ELN: variants seen among roughly 807,000 people sequenced by gnomAD.
ELN encodes the protein tropoelastin.
A neutral mutation model predicts 105.8 loss-of-function variants in ELN; 65 were observed. That is an observed-to-expected ratio of 0.61 (90% CI 0.50 to 0.75). The LOEUF (loss-of-function observed/expected upper bound fraction) is 0.75. ELN is among the 30% of genes least tolerant of loss of function. The pLI is 0.00. For synonymous variants in ELN, 368 were observed against 389.2 expected (o/e 0.95, Z 0.64); for missense variants, 882 against 969.4 (o/e 0.91, Z 1.20).
At chr7:74,058,014 CCTT>C (rs1795704051) in intron 22 of ELN, among the ~76,000 whole-genome samples, 1 of 151,892 alleles carries the variant, frequency 6.6e-6, no homozygotes, top group South Asian at 2.1e-4. Flanking sequence ...TCCCCCTTCT[CCTT>C]CTCTTTCTCC....
chr7:74,063,622 C>T lies in ELN; in HGVS notation c.1920C>T (p.Gly640=). ...TCTAATGCTCAGCTGTCTCCACAGG[C>T]CTAGTGGGAGCCGCTGGGCTCGGAG... ...AKAAAKAAQF[G]LVGAAGLGGL... is the part of the protein sequence containing the mutation. Residue 640 remains glycine, a splice_region_variant and synonymous_variant, in exon 29 of 33, where the codon GGC becomes GGT. Transcript: ENST00000252034. This position sits in a 1 kb window ranked among gnomAD's most constrained non-coding sequence, Gnocchi z 4.1. The T allele has an allele frequency of 6.2e-7, 1 of 1,614,182 alleles. No individual in the cohort carries two copies. The highest frequency in any genetic ancestry group is 8.5e-7 in the Non-Finnish European group (1 of 1,180,026).
Position 74,063,072 on chromosome 7 carries a change from TG to T in ELN, c.1787-80del. On this transcript the variant is annotated intron_variant, in intron 26 of 32. Transcript: ENST00000252034. The surrounding 1 kb of genome is among the most constrained non-coding windows in gnomAD (Gnocchi z 4.1). ...ACAGTGTCACATGGCCCCTGCCACC[TG>T]TCTGCTTGCCTTGTGTCCCTGGGGC... 1 of 1,519,482 alleles carries T rather than the reference TG, an allele frequency of 6.6e-7. No individual in the cohort carries two copies. Among genetic ancestry groups the T allele is most frequent in the South Asian group, 1.2e-5 (1 of 82,760 alleles). 94.1% of individuals were successfully genotyped at this position (1,519,482 alleles called of 1,614,324 possible).
In ELN at chr7:74,061,122, C is replaced by T. The variant is rs782530719; in HGVS notation, c.1769C>T (p.Ala590Val). Residue 590 changes from alanine to valine, a missense_variant, in exon 26 of 33, where the codon GCT becomes GTT. Transcript: ENST00000252034. The stretch of plus-strand genomic sequence containing the variant: ...CCAGTACCTGGAGCCCTGGCTGCCG[C>T]TAAAGCAGCCAAATATGGTGAGTGC... Reference protein sequence around the residue: ...FGAVPGALAAAKAAKYGAAVP... With the variant: ...FGAVPGALAAVKAAKYGAAVP... 4 of 1,614,038 alleles carry T rather than the reference C, an allele frequency of 2.5e-6. No individual in the cohort carries two copies. The South Asian group carries it at 3.3e-5, about 13-fold the overall frequency.
intron 5 of ELN, 78 bp downstream of exon 5, chr7:74,041,329 G>A (rs1563778564): frequency 3.8e-6 from 6 of 1,580,460 alleles, no homozygotes; most frequent in East Asian, 4.5e-5. Context: ...TATGCAGCAC[G>A]GTCATGGAAC....
intron 4 of ELN, 77 bp downstream of exon 4, chr7:74,037,816 G>A: frequency 1.3e-6 from 2 of 1,571,946 alleles, no homozygotes; most frequent in Non-Finnish European, 1.7e-6. Flanking sequence ...CTGGGAATGG[G>A]ACAAGGAAAC....
At position 74,060,527 on chromosome 7, in the gene ELN, C is replaced by T. The variant is rs371491330; in HGVS notation, c.1747+26C>T. On this transcript the variant is annotated intron_variant, in intron 25 of 32. Transcript: ENST00000252034. ...GTGCAGATGAGGGAGTTAGGCGGAG[C>T]CTGTCCCCTGAGCTCAGGGAAGGAG... 41 of 1,614,198 alleles carry T rather than the reference C, an allele frequency of 2.5e-5. No individual in the cohort carries two copies. In the African/African-American group the frequency reaches 4.0e-4, roughly 16 times the overall value.
At chr7:74,060,260 GC>G (rs1796347319) in intron 24 of ELN, 76 bp downstream of exon 24, 3 of 1,613,660 alleles carry the variant, frequency 1.9e-6, no homozygotes, top group Non-Finnish European at 1.7e-6. Flanking sequence ...CAGGGAGGAG[GC>G]CGCTGCTTGG....
At chr7:74,060,564 T>C in intron 25 of ELN, 63 bp downstream of exon 25, 1 of 1,612,222 alleles carries the variant, frequency 6.2e-7, no homozygotes, top group South Asian at 1.1e-5. Flanking sequence ...TCCCTCCTCC[T>C]CTCAGCACCT....
Position 74,028,216 on chromosome 7 carries a change from G to A in ELN, c.29G>A (p.Arg10Gln), listed in dbSNP as rs1554660008. MAGLTAAAP[R>Q]PGVLLLLLSI... Reference sequence around the variant, plus strand: ...GCGGGTCTGACGGCGGCGGCCCCGCGGCCCGGAGTCCTCCTGCTCCTGCTG... The same window carrying A: ...GCGGGTCTGACGGCGGCGGCCCCGCAGCCCGGAGTCCTCCTGCTCCTGCTG... Residue 10 changes from arginine (R) to glutamine (Q), a missense_variant, in exon 1 of 33, where the codon CGG (arginine) becomes CAG (glutamine). Physicochemically the swap from Arg to Gln is conservative, Grantham distance 43. Transcript: ENST00000252034. 2 of 1,610,992 alleles carry A rather than the reference G, an allele frequency of 1.2e-6. No individual in the cohort carries two copies. Among genetic ancestry groups the A allele is most frequent in the Non-Finnish European group, 1.7e-6 (2 of 1,179,634 alleles).
intron 1 of ELN, among the ~76,000 whole-genome samples, chr7:74,029,034 G>A (rs1041534893): frequency 3.9e-5 from 6 of 152,172 alleles, no homozygotes; most frequent in Non-Finnish European, 8.8e-5. Context: ...TCCTTAGGCA[G>A]GTGTATGCGT....
At position 74,061,083 on chromosome 7, in the gene ELN, A is replaced by G. The variant is rs782489667; in HGVS notation, c.1748-18A>G. 3 of 1,613,952 alleles carry G rather than the reference A, an allele frequency of 1.9e-6. No homozygotes were observed. Among genetic ancestry groups the G allele is most frequent in the Admixed American group, 3.3e-5 (2 of 60,000 alleles). On this transcript the variant is annotated intron_variant, in intron 25 of 32. Transcript: ENST00000252034. ...GAGCTCGGCTCCTGACCACTCCCCAACTTTTCTTTCTCCCCAGTACCTGGA... is the reference window on the plus strand; with the variant it reads ...GAGCTCGGCTCCTGACCACTCCCCAGCTTTTCTTTCTCCCCAGTACCTGGA...
At position 74,063,439 on chromosome 7, in the gene ELN, A is replaced by G; in HGVS notation, c.1918+70A>G. The G allele has an allele frequency of 6.4e-7, 1 of 1,555,504 alleles. No individual in the cohort carries two copies. The highest frequency in any genetic ancestry group is 8.7e-7 in the Non-Finnish European group (1 of 1,153,736). ...CCCCAGGGTGTGGGAGGAGCTTCTGACCAGGCACTGTAGACTCAGAGTCCC... is the reference window on the plus strand; with the variant it reads ...CCCCAGGGTGTGGGAGGAGCTTCTGGCCAGGCACTGTAGACTCAGAGTCCC... On this transcript the variant is annotated intron_variant, in intron 28 of 32. Coordinates refer to ENST00000252034, the MANE Select transcript of ELN (RefSeq NM_000501.4). This position sits in a 1 kb window ranked among gnomAD's most constrained non-coding sequence, Gnocchi z 4.1.
Position 74,069,007 on chromosome 7 carries a change from C to A in ELN, c.*307C>A. 1 of 478,386 alleles carries A rather than the reference C, an allele frequency of 2.1e-6. No homozygotes were observed. Among genetic ancestry groups the A allele is most frequent in the Non-Finnish European group, 3.9e-6 (1 of 259,616 alleles). 29.6% of individuals were successfully genotyped at this position (478,386 alleles called of 1,614,324 possible). Reference sequence around the variant, plus strand: ...ATCTCCAGGGGAACTTGGTGCTACACGCTGGTGCTCTTATCTTCCTGGGGG... The same window carrying A: ...ATCTCCAGGGGAACTTGGTGCTACAAGCTGGTGCTCTTATCTTCCTGGGGG... On this transcript the variant is annotated 3_prime_UTR_variant, in exon 33 of 33. Transcript: ENST00000252034.
intron 5 of ELN, among the ~76,000 whole-genome samples, chr7:74,041,579 A>G (rs1791228401): frequency 6.6e-6 from 1 of 152,184 alleles, no homozygotes; most frequent in Admixed American, 6.5e-5. Context: ...ATTTGACCCC[A>G]AAAGATCCAT....
At chr7:74,051,888 G>A in intron 16 of ELN, 36 bp from the exon 17 acceptor site, 1 of 1,614,162 alleles carries the variant, frequency 6.2e-7, no homozygotes, top group Non-Finnish European at 8.5e-7. Context: ...GATGGCCACA[G>A]GGCAAGGACC....
intron 3 of ELN, 62 bp from the exon 4 acceptor site, chr7:74,037,645 T>C: frequency 6.3e-7 from 1 of 1,587,364 alleles, no homozygotes; most frequent in Non-Finnish European, 8.6e-7. Context: ...GGTTGGGGGT[T>C]GGATAAGTAG....
In ELN at chr7:74,059,679, GTC is replaced by G. The variant is rs1796156535; in HGVS notation, c.1415-204_1415-203del. 4.7e-6 allele frequency: 3 copies of G among 640,802 alleles called. No individual in the cohort carries two copies. In the East Asian group the frequency reaches 8.1e-5, roughly 17 times the overall value. The allele number at this position is 640,802 out of a possible 1,614,324, so 39.7% of individuals were successfully genotyped here. The stretch of plus-strand genomic sequence containing the variant: ...AGCCTGGGCGATAGAGTGAGACTCT[GTC>G]TCCAAAAAAACAAAGTTATGAACTC... On this transcript the variant is annotated intron_variant, in intron 22 of 32. Coordinates refer to ENST00000252034, the MANE Select transcript of ELN (RefSeq NM_000501.4).
In ELN at chr7:74,056,329, C is replaced by T. The variant is rs1267881800; in HGVS notation, c.1209C>T (p.Gly403=). The change falls in exon 20 of 33, where the codon GGC becomes GGT. Residue 403 remains glycine (G), a synonymous_variant. Coordinates refer to ENST00000252034, the MANE Select transcript of ELN (RefSeq NM_000501.4). ...GIPTYGVGAG[G]FPGFGVGVGG... is the part of the protein sequence containing the mutation. The stretch of plus-strand genomic sequence containing the variant: ...CTACTTACGGGGTTGGAGCTGGGGG[C>T]TTTCCCGGCTTTGGTGTCGGAGTCG... 1.2e-6 allele frequency: 2 copies of T among 1,613,978 alleles called. No individual in the cohort carries two copies. The highest frequency in any genetic ancestry group is 1.7e-6 in the Non-Finnish European group (2 of 1,180,026).
Position 74,042,985 on chromosome 7 carries a change from C to A in ELN, c.327C>A (p.Gly109=), listed in dbSNP as rs782428955. ...GCCTCACCTGTCCTGGCTCTGCAGG[C>A]GCTGGGCTTGGTGGTGTCCCAGGAG... ...AAAAYKAAKA[G]AGLGGVPGVG... is the part of the protein sequence containing the mutation. Residue 109 remains glycine (G), a splice_region_variant and synonymous_variant, in exon 7 of 33, where the codon GGC becomes GGA. Coordinates refer to ENST00000252034, the MANE Select transcript of ELN (RefSeq NM_000501.4). 1.2e-6 allele frequency: 2 copies of A among 1,614,128 alleles called. No individual in the cohort carries two copies. The highest frequency in any genetic ancestry group is 3.3e-5 in the Admixed American group (2 of 60,016).
Sources: allele counts gnomAD v4.1 joint callset (sites outside exome capture counted in the v4.1 genomes callset), GRCh38; gene constraint gnomAD v4.1.1; non-coding constraint Gnocchi (gnomAD v3.1); transcripts MANE v1.5; gene names NCBI Gene and HGNC (gene_info 2026-07-23, HGNC 2026-07-21).